Variants in NKAIN2 observed in about 807,000 individuals in gnomAD.
The protein encoded by NKAIN2 is sodium/potassium-transporting ATPase subunit beta-1-interacting protein 2.
NKAIN2 carries 14 observed loss-of-function variants against 32.6 expected under a neutral mutation model. That is an observed-to-expected ratio of 0.43 (90% CI 0.28 to 0.67). The LOEUF is 0.67. Ranked by LOEUF, NKAIN2 falls within the 30% of genes least tolerant of loss-of-function variation. The pLI is 0.17. For missense variants in NKAIN2, 198 were observed against 258.3 expected (o/e 0.77, Z 1.60); for synonymous variants, 80 against 87.2 (o/e 0.92, Z 0.46).
chr6:123,910,585 C>T (rs1486327107), intron 1 of NKAIN2, among the ~76,000 whole-genome samples: 1 of 137,148 alleles, frequency 7.3e-6, no homozygotes, highest in East Asian at 2.3e-4. Context: ...CTCATTGCAA[C>T]CTCCGCCTCT....
At chr6:124,082,201 G>C (rs1784001265) in intron 1 of NKAIN2, among the ~76,000 whole-genome samples, 1 of 152,076 alleles carries the variant, frequency 6.6e-6, no homozygotes, top group South Asian at 2.1e-4. Flanking sequence ...TATTGGCAAG[G>C]ACTGCATCTG....
intron 1 of NKAIN2, among the ~76,000 whole-genome samples, chr6:124,044,400 A>G (rs894913021): frequency 6.6e-6 from 1 of 151,970 alleles, no homozygotes; most frequent in African/African-American, 2.4e-5. Flanking sequence ...TCGCTCTCCC[A>G]TCTCAGAAAA....
chr6:124,247,659 T>C (rs1024402745), intron 1 of NKAIN2, among the ~76,000 whole-genome samples: 12 of 151,736 alleles, frequency 7.9e-5, no homozygotes, highest in Non-Finnish European at 1.8e-4. Context: ...TTGTGAAGAG[T>C]TTTTTCTTTA....
intron 4 of NKAIN2, among the ~76,000 whole-genome samples, chr6:124,674,865 A>G (rs1234220586): frequency 2.0e-5 from 3 of 151,864 alleles, no homozygotes; most frequent in Non-Finnish European, 4.4e-5. Flanking sequence ...TGCCTAATTT[A>G]TCTTGGTGAG....
chr6:124,005,769 G>A (rs1323452813), intron 1 of NKAIN2, among the ~76,000 whole-genome samples: 1 of 152,116 alleles, frequency 6.6e-6, no homozygotes, highest in Non-Finnish European at 1.5e-5. Flanking sequence ...GGTTATATCA[G>A]GGTGACAGTG....
At chr6:124,245,213 C>T (rs1251370767) in intron 1 of NKAIN2, among the ~76,000 whole-genome samples, 1 of 152,110 alleles carries the variant, frequency 6.6e-6, no homozygotes, top group Non-Finnish European at 1.5e-5. Context: ...TTTTGAGAGA[C>T]ATTTAATCCA....
intron 3 of NKAIN2, among the ~76,000 whole-genome samples, chr6:124,447,191 T>C (rs1775927637): frequency 6.6e-6 from 1 of 152,102 alleles, no homozygotes; most frequent in African/African-American, 2.4e-5. Context: ...TTCATCAGTG[T>C]TTGCATAGAA....
intron 4 of NKAIN2, among the ~76,000 whole-genome samples, chr6:124,687,272 A>C (rs200672138): frequency 1.4e-5 from 2 of 139,150 alleles, no homozygotes; most frequent in African/African-American, 2.7e-5. Flanking sequence ...TTCTCTCTAT[A>C]TATAGAGAGA....
intron 1 of NKAIN2, among the ~76,000 whole-genome samples, chr6:124,151,588 G>A (rs1422474422): frequency 1.3e-5 from 2 of 151,958 alleles, no homozygotes; most frequent in Non-Finnish European, 1.5e-5. Context: ...TTTTTTGTGA[G>A]TAGAAAATGC....
chr6:123,948,597 A>ATTTTTTTTTTTTTTTTTT (rs71021472), intron 1 of NKAIN2, among the ~76,000 whole-genome samples: 14 of 49,280 alleles, frequency 2.8e-4, no homozygotes, highest in Non-Finnish European at 5.3e-4. Context: ...CTTAAATGGG[A>ATTTTTTTTTTTTTTTTTT]TTTTTTTTTT....
chr6:124,032,987 C>G (rs1314222143), intron 1 of NKAIN2, among the ~76,000 whole-genome samples: 1 of 151,974 alleles, frequency 6.6e-6, no homozygotes, highest in African/African-American at 2.4e-5. Context: ...TAACAACAAC[C>G]AGACTACATG....
intron 3 of NKAIN2, among the ~76,000 whole-genome samples, chr6:124,536,105 G>A (rs2114833274): frequency 6.6e-6 from 1 of 152,252 alleles, no homozygotes. Context: ...TACTGAACTA[G>A]AAATCGCTCA....
intron 5 of NKAIN2, among the ~76,000 whole-genome samples, chr6:124,806,490 A>G (rs1035588008): frequency 5.5e-4 from 83 of 152,270 alleles, no homozygotes; most frequent in Middle Eastern, 3.4e-3. Context: ...TGAAGGAAAC[A>G]CTAAACATGG....
At chr6:124,791,559 G>A (rs920706305) in intron 5 of NKAIN2, among the ~76,000 whole-genome samples, 160 bp downstream of exon 5, 2 of 152,108 alleles carry the variant, frequency 1.3e-5, no homozygotes, top group Non-Finnish European at 2.9e-5. Flanking sequence ...TCTCATAACA[G>A]TATCCAGCAA....
chr6:124,283,468 A>T (rs1326332702), intron 2 of NKAIN2, among the ~76,000 whole-genome samples: 1 of 152,282 alleles, frequency 6.6e-6, no homozygotes. Context: ...TTTAATGGAA[A>T]TTTTTTCTCA....
At chr6:124,302,434 ACTTT>A (rs1166935644) in intron 2 of NKAIN2, among the ~76,000 whole-genome samples, 11 of 152,208 alleles carry the variant, frequency 7.2e-5, no homozygotes, top group African/African-American at 2.7e-4. Context: ...TACAATAAAG[ACTTT>A]CTTGTTAATC....
chr6:124,019,056 G>A (rs1780734132), intron 1 of NKAIN2, among the ~76,000 whole-genome samples: 1 of 152,132 alleles, frequency 6.6e-6, no homozygotes, highest in African/African-American at 2.4e-5. Flanking sequence ...GCAGGCAAGA[G>A]GGAGTGTGAA....
intron 1 of NKAIN2, among the ~76,000 whole-genome samples, chr6:124,167,162 C>T (rs1788593851): frequency 6.8e-6 from 1 of 147,620 alleles, no homozygotes; most frequent in South Asian, 2.2e-4. Flanking sequence ...ATGGAATGTT[C>T]TTCCATTTGT....
At chr6:124,670,951 T>A (rs1773069588) in intron 4 of NKAIN2, among the ~76,000 whole-genome samples, 1 of 152,052 alleles carries the variant, frequency 6.6e-6, no homozygotes. Flanking sequence ...TAGTCTTTCA[T>A]CATTTGGTTC....
Sources: gnomAD v4.1 joint callset for allele counts (sites outside exome capture counted in the v4.1 genomes callset) on GRCh38, gnomAD v4.1.1 for gene constraint, MANE v1.5 for transcripts, NCBI Gene and HGNC (gene_info 2026-07-23, HGNC 2026-07-21) for gene names.